Variants in BCAS3 observed in about 807,000 individuals in gnomAD.
BCAS3 encodes BCAS3 microtubule associated cell migration factor, also known as BCAS4/BCAS3 fusion.
A neutral mutation model predicts 116.1 loss-of-function variants in BCAS3; 53 were observed. The ratio of observed to expected loss-of-function variants is 0.46; its 90% CI spans 0.37 to 0.57. BCAS3 has a LOEUF of 0.57. BCAS3 is among the 20% of genes least tolerant of loss of function. The pLI, the probability that BCAS3 is intolerant of heterozygous loss-of-function variation, is 0.00. For synonymous variants in BCAS3, 391 were observed against 408.2 expected (o/e 0.96, Z 0.51); for missense variants, 917 against 1,165.4 (o/e 0.79, Z 3.10).
At chr17:60,814,306 T>TGTGTGCGCGCGCGCGTGTGCGC (rs368289350) in intron 7 of BCAS3, among the ~76,000 whole-genome samples, 55 of 148,302 alleles carry the variant, frequency 3.7e-4, no homozygotes, top group Admixed American at 4.7e-4. Context: ...TGTGTGTGTG[T>TGTGTGCGCGCGCGCGTGTGCGC]GCGCGCGTGC....
intron 7 of BCAS3, among the ~76,000 whole-genome samples, chr17:60,850,048 G>T (rs1020559811): frequency 2.0e-5 from 3 of 152,098 alleles, no homozygotes; most frequent in African/African-American, 7.2e-5. Context: ...GGAACCCACT[G>T]CACTTGGTGC....
chr17:61,171,284 G>C lies in BCAS3; in HGVS notation c.2425+86720G>C, dbSNP rs2078826133. ...AAGCAGCCTCTAAAGTAACATAGGT[G>C]TAGCTAATCAGTTAACAAATGAGAT... is the stretch of plus-strand genomic sequence containing the variant. On this transcript the variant is annotated intron_variant, in intron 22 of 23. Transcript: ENST00000407086. The surrounding 1 kb of genome is among the most constrained non-coding windows in gnomAD (Gnocchi z 4.1). 6.6e-6 allele frequency among the ~76,000 whole-genome samples: 1 copy of C among 152,100 alleles called. No individual in the cohort carries two copies. Among genetic ancestry groups the C allele is most frequent in the African/African-American group, 2.4e-5 (1 of 41,398 alleles).
At chr17:60,887,817 G>T (rs79575850) in intron 9 of BCAS3, among the ~76,000 whole-genome samples, 12,893 of 152,090 alleles carry the variant, frequency 0.085, 674 homozygotes, top group Non-Finnish European at 0.12. Context: ...TTTCTGGGAG[G>T]ATGCCATCTA....
chr17:60,825,134 G>A (rs2050269367), intron 7 of BCAS3, among the ~76,000 whole-genome samples: 1 of 150,334 alleles, frequency 6.7e-6, no homozygotes, highest in Non-Finnish European at 1.5e-5. Context: ...CCACTGCACT[G>A]CAGCCTGGAT....
chr17:61,388,696 G>A lies in BCAS3; in HGVS notation c.2594-3281G>A, dbSNP rs779404358. On this transcript the variant is annotated intron_variant, in intron 23 of 23. Transcript: ENST00000407086. This position sits in a 1 kb window ranked among gnomAD's most constrained non-coding sequence, Gnocchi z 6.5. ...CCCAACAGTAACAAAGCATGCGTTC[G>A]GGATGGAGGAAGGTAAGGCCACACG... is the stretch of plus-strand genomic sequence containing the variant. 8.4e-6 allele frequency: 13 copies of A among 1,550,266 alleles called. No individual in the cohort carries two copies. Among genetic ancestry groups the A allele is most frequent in the African/African-American group, 6.8e-5 (5 of 73,346 alleles).
At position 60,946,935 on chromosome 17, in the gene BCAS3, G is replaced by C. The variant is rs561078108; in HGVS notation, c.1088-284G>C. Among the ~76,000 whole-genome samples the C allele has an allele frequency of 6.6e-5, 10 of 152,144 alleles. No homozygotes were observed. In the South Asian group the frequency reaches 1.0e-3, roughly 16 times the overall value. Reference sequence around the variant, plus strand: ...CAGGAAAAAAATAAAATAAAATTATGAATTCTGTAAATTCAGGAATATCAA... The same window carrying C: ...CAGGAAAAAAATAAAATAAAATTATCAATTCTGTAAATTCAGGAATATCAA... On this transcript the variant is annotated intron_variant, in intron 13 of 23. Transcript: ENST00000407086.
At chr17:61,263,891 A>G (rs927516914) in intron 22 of BCAS3, among the ~76,000 whole-genome samples, 1 of 152,262 alleles carries the variant, frequency 6.6e-6, no homozygotes, top group African/African-American at 2.4e-5. Context: ...TTATCCACAT[A>G]GGAAAAACTT....
intron 11 of BCAS3, among the ~76,000 whole-genome samples, chr17:60,909,605 G>T (rs890754018): frequency 9.2e-5 from 14 of 152,062 alleles, no homozygotes; most frequent in Non-Finnish European, 1.9e-4. Flanking sequence ...CTTCAGCAAT[G>T]TGTGACTCAC....
At chr17:61,003,454 C>G (rs1332424850) in intron 15 of BCAS3, among the ~76,000 whole-genome samples, 3 of 125,944 alleles carry the variant, frequency 2.4e-5, no homozygotes, top group Admixed American at 9.6e-5. Flanking sequence ...TTTCTTGTCT[C>G]CCTTTCTTTG....
At chr17:61,133,903 T>C (rs2076478637) in intron 22 of BCAS3, among the ~76,000 whole-genome samples, 1 of 150,490 alleles carries the variant, frequency 6.6e-6, no homozygotes, top group Non-Finnish European at 1.5e-5. Context: ...AAAACCATCT[T>C]TGATTCCTTA....
intron 7 of BCAS3, among the ~76,000 whole-genome samples, chr17:60,831,656 G>C (rs558493636): frequency 1.3e-5 from 2 of 152,008 alleles, no homozygotes. Flanking sequence ...GCCTCCCTAC[G>C]TGTGTGTGGG....
In BCAS3 at chr17:61,171,771, C is replaced by T. The variant is rs1006521514; in HGVS notation, c.2425+87207C>T. ...GAGTAGCTGGGATTTCAGGCATGTG[C>T]CACCATGCCCTGCTAATTAAAAAAA... On this transcript the variant is annotated intron_variant, in intron 22 of 23. Transcript: ENST00000407086. The surrounding 1 kb of genome is among the most constrained non-coding windows in gnomAD (Gnocchi z 4.1). Among the ~76,000 whole-genome samples, 1 of 151,846 alleles carries T rather than the reference C, an allele frequency of 6.6e-6. No homozygotes were observed. The highest frequency in any genetic ancestry group is 2.4e-5 in the African/African-American group (1 of 41,324).
chr17:61,265,724 C>A lies in BCAS3; in HGVS notation c.2426-102603C>A, dbSNP rs1396760391. The stretch of plus-strand genomic sequence containing the variant: ...CCCCCCCATCAAGTAGTATATCTGC[C>A]AGGGTTTGTGTGTGTCATACTGTCC... On this transcript the variant is annotated intron_variant, in intron 22 of 23. Transcript: ENST00000407086. This position sits in a 1 kb window ranked among gnomAD's most constrained non-coding sequence, Gnocchi z 4.3. Among the ~76,000 whole-genome samples, 5 of 151,998 alleles carry A rather than the reference C, an allele frequency of 3.3e-5. No individual in the cohort carries two copies. The highest frequency in any genetic ancestry group is 3.3e-4 in the Admixed American group (5 of 15,262).
intron 5 of BCAS3, among the ~76,000 whole-genome samples, chr17:60,732,902 T>C (rs1018457487): frequency 2.0e-5 from 3 of 152,190 alleles, no homozygotes; most frequent in African/African-American, 7.2e-5. Context: ...TTCTTCAATA[T>C]GGTATTTTAA....
chr17:61,096,636 C>T (rs1014687876), intron 22 of BCAS3, among the ~76,000 whole-genome samples: 2 of 152,178 alleles, frequency 1.3e-5, no homozygotes, highest in African/African-American at 4.8e-5. Context: ...CTTGGATTTT[C>T]TACTATGTAA....
intron 7 of BCAS3, among the ~76,000 whole-genome samples, chr17:60,864,795 A>G (rs529233437): frequency 1.3e-5 from 2 of 152,126 alleles, no homozygotes. Flanking sequence ...GAAATGAGAG[A>G]TATGCAACTC....
chr17:60,991,727 C>T (rs1158237022), intron 15 of BCAS3, among the ~76,000 whole-genome samples: 2 of 152,142 alleles, frequency 1.3e-5, no homozygotes, highest in Non-Finnish European at 2.9e-5. Context: ...AAAACATTTT[C>T]CTCACTCCAA....
chr17:61,054,636 A>G (rs1191517682), intron 19 of BCAS3, among the ~76,000 whole-genome samples: 2 of 152,174 alleles, frequency 1.3e-5, no homozygotes, highest in African/African-American at 4.8e-5. Flanking sequence ...AACCTCCTGT[A>G]GTGCTTGGAC....
rs577111431 is a variant in BCAS3 at position 61,181,233 on chromosome 17, G to T, written c.2425+96669G>T. 2.8e-4 allele frequency among the ~76,000 whole-genome samples: 42 copies of T among 152,196 alleles called. No individual in the cohort carries two copies. Among genetic ancestry groups the T allele is most frequent in the Admixed American group, 7.8e-4 (12 of 15,294 alleles). ...AACAAACAGTTTAATTAATTAATTGGTATGACTGGTGAGGAACAAGATGAT... is the reference window on the plus strand; with the variant it reads ...AACAAACAGTTTAATTAATTAATTGTTATGACTGGTGAGGAACAAGATGAT... On this transcript the variant is annotated intron_variant, in intron 22 of 23. Transcript: ENST00000407086. The surrounding 1 kb of genome is among the most constrained non-coding windows in gnomAD (Gnocchi z 5.0).
Sources: gnomAD v4.1 joint callset for allele counts (sites outside exome capture counted in the v4.1 genomes callset) on GRCh38, gnomAD v4.1.1 for gene constraint, Gnocchi (gnomAD v3.1) non-coding constraint, MANE v1.5 for transcripts, NCBI Gene and HGNC (gene_info 2026-07-23, HGNC 2026-07-21) for gene names.